CTNND2: variants seen among roughly 807,000 people sequenced by gnomAD.
The protein encoded by CTNND2 is catenin delta-2.
Under a neutral mutation model 144.4 loss-of-function variants are expected in CTNND2, and 22 were observed. That is an observed-to-expected ratio of 0.15 (90% CI 0.11 to 0.22). CTNND2 has a LOEUF of 0.22. CTNND2 is among the 10% of genes least tolerant of loss of function. CTNND2 has a pLI of 1.00. For synonymous variants in CTNND2, 751 were observed against 695.6 expected (o/e 1.08, Z -1.25); for missense variants, 1,353 against 1,618.8 (o/e 0.84, Z 2.82).
intron 3 of CTNND2, among the ~76,000 whole-genome samples, chr5:11,448,379 C>T (rs1194119040): frequency 6.6e-5 from 10 of 151,744 alleles, no homozygotes; most frequent in Admixed American, 6.6e-4. Flanking sequence ...ATTTCAGTAG[C>T]CAATAAATGT....
At chr5:11,112,262 T>C (rs1753072000) in intron 13 of CTNND2, among the ~76,000 whole-genome samples, 1 of 152,160 alleles carries the variant, frequency 6.6e-6, no homozygotes, top group Non-Finnish European at 1.5e-5. Context: ...ATCTGGATTG[T>C]TCGGGTGGGC....
chr5:11,149,406 T>C (rs940228803), intron 12 of CTNND2, among the ~76,000 whole-genome samples: 3 of 152,154 alleles, frequency 2.0e-5, no homozygotes, highest in Non-Finnish European at 2.9e-5. Flanking sequence ...ACAGGACTAT[T>C]ATGGAAAATT....
intron 2 of CTNND2, among the ~76,000 whole-genome samples, chr5:11,642,980 C>T (rs573089698): frequency 4.6e-5 from 7 of 152,166 alleles, no homozygotes; most frequent in South Asian, 2.1e-4. Flanking sequence ...CAGAATTGTG[C>T]GAGTGCTGTC....
chr5:11,051,932 A>C (rs1317149884), intron 16 of CTNND2, among the ~76,000 whole-genome samples: 1 of 152,196 alleles, frequency 6.6e-6, no homozygotes, highest in Non-Finnish European at 1.5e-5. Context: ...GCGTTTAATA[A>C]GCACTGTCTG....
At chr5:11,364,550 A>T (rs1561281699) in intron 8 of CTNND2, 146 bp downstream of exon 8, 2 of 573,088 alleles carry the variant, frequency 3.5e-6, no homozygotes, top group East Asian at 6.8e-5. Context: ...TACCATTATC[A>T]TTACAGACAT....
chr5:11,900,067 T>G (rs1309696671), intron 1 of CTNND2, among the ~76,000 whole-genome samples: 1 of 152,174 alleles, frequency 6.6e-6, no homozygotes, highest in Non-Finnish European at 1.5e-5. Context: ...ATATAATATA[T>G]AAGAACCCAA....
At chr5:11,099,939 A>G (rs1208559854) in intron 14 of CTNND2, among the ~76,000 whole-genome samples, 2 of 152,196 alleles carry the variant, frequency 1.3e-5, no homozygotes, top group African/African-American at 4.8e-5. Context: ...TAAATGACAT[A>G]TGCTAAATGT....
intron 3 of CTNND2, among the ~76,000 whole-genome samples, chr5:11,444,480 A>C (rs569078279): frequency 6.6e-6 from 1 of 152,206 alleles, no homozygotes; most frequent in South Asian, 2.1e-4. Flanking sequence ...AGGAATGCAA[A>C]AATAAGGAAG....
At chr5:11,805,968 C>A (rs895460828) in intron 1 of CTNND2, among the ~76,000 whole-genome samples, 6 of 152,082 alleles carry the variant, frequency 3.9e-5, no homozygotes, top group Non-Finnish European at 7.4e-5. Flanking sequence ...TATACACTAA[C>A]CCTATCAGAC....
chr5:11,652,911 CTCTTTT>C lies in CTNND2; in HGVS notation c.174+79219_174+79224del, dbSNP rs538768501. ...CAAACCCATAGCAATCATCTTTCTA[CTCTTTT>C]TCTAAGGGTCCAATTTCTTTAAATT... is the stretch of plus-strand genomic sequence containing the variant. On this transcript the variant is annotated intron_variant, in intron 2 of 21. Transcript: ENST00000304623. Among the ~76,000 whole-genome samples the C allele has an allele frequency of 1.2e-3, 177 of 152,276 alleles. 1 individual carries two copies. Among genetic ancestry groups the C allele is most frequent in the Non-Finnish European group, 1.9e-4 (13 of 68,014 alleles).
At chr5:11,214,657 T>G (rs1035726007) in intron 10 of CTNND2, among the ~76,000 whole-genome samples, 2 of 152,212 alleles carry the variant, frequency 1.3e-5, no homozygotes, top group African/African-American at 4.8e-5. Flanking sequence ...TAGAAGATCA[T>G]TAACCTTGGC....
chr5:11,685,566 A>T (rs1464151473), intron 2 of CTNND2, among the ~76,000 whole-genome samples: 7 of 152,194 alleles, frequency 4.6e-5, no homozygotes, highest in Non-Finnish European at 1.0e-4. Flanking sequence ...ACTTTTCCAA[A>T]CATAAGGATT....
At chr5:11,007,864 C>T (rs1218988549) in intron 18 of CTNND2, among the ~76,000 whole-genome samples, 1 of 152,236 alleles carries the variant, frequency 6.6e-6, no homozygotes, top group Non-Finnish European at 1.5e-5. Flanking sequence ...TTCACTTTCG[C>T]ACCGTGTAAT....
chr5:11,195,205 A>G (rs1053834547), intron 11 of CTNND2, among the ~76,000 whole-genome samples: 1 of 152,220 alleles, frequency 6.6e-6, no homozygotes, highest in East Asian at 1.9e-4. Flanking sequence ...TCACAAGAGA[A>G]TTTAATAGTA....
intron 1 of CTNND2, among the ~76,000 whole-genome samples, chr5:11,886,586 A>T (rs1339857298): frequency 6.6e-6 from 1 of 152,198 alleles, no homozygotes; most frequent in Non-Finnish European, 1.5e-5. Flanking sequence ...TTAGACTGAA[A>T]AAAAAAGTAT....
chr5:11,657,463 C>T (rs1279984303), intron 2 of CTNND2, among the ~76,000 whole-genome samples: 2 of 152,026 alleles, frequency 1.3e-5, no homozygotes, highest in East Asian at 1.9e-4. Flanking sequence ...TCCTGTTTCT[C>T]TCTCCTTCCT....
intron 1 of CTNND2, among the ~76,000 whole-genome samples, chr5:11,859,479 C>T (rs767379585): frequency 9.9e-5 from 15 of 152,246 alleles, no homozygotes; most frequent in African/African-American, 2.6e-4. Flanking sequence ...AGTTCTTGAA[C>T]GAAAACAAGT....
At chr5:11,474,034 T>C (rs1328530889) in intron 3 of CTNND2, among the ~76,000 whole-genome samples, 1 of 152,262 alleles carries the variant, frequency 6.6e-6, no homozygotes, top group Non-Finnish European at 1.5e-5. Context: ...GCATGGCATC[T>C]ATGCTGTTTG....
In CTNND2 at chr5:11,282,220, GA is replaced by G. The variant is rs1030772410; in HGVS notation, c.1629-45398del. Among the ~76,000 whole-genome samples, 4 of 151,972 alleles carry G rather than the reference GA, an allele frequency of 2.6e-5. 1 individual carries two copies. Among genetic ancestry groups the G allele is most frequent in the Admixed American group, 2.6e-4 (4 of 15,254 alleles). On this transcript the variant is annotated intron_variant, in intron 9 of 21. Transcript: ENST00000304623. ...GATCAGTCAATGCTGTTGGGTATTG[GA>G]AAAAAAGCAATTCATGCTTCTCGTC...
Sources: allele counts gnomAD v4.1 joint callset (sites outside exome capture counted in the v4.1 genomes callset), GRCh38; gene constraint gnomAD v4.1.1; transcripts MANE v1.5; gene names NCBI Gene and HGNC (gene_info 2026-07-23, HGNC 2026-07-21).